The following CNNM4 variants were observed in gnomAD, a reference collection of about 807,000 sequenced individuals.
The protein encoded by CNNM4 is metal transporter CNNM4.
A neutral mutation model predicts 53.7 loss-of-function variants in CNNM4; 32 were observed. The ratio of observed to expected loss-of-function variants is 0.60; its 90% CI spans 0.45 to 0.80. The LOEUF is 0.80. Among genes scored for constraint, CNNM4 ranks in the 30% least tolerant of loss-of-function variants. The pLI is 0.00. For missense variants in CNNM4, 784 were observed against 1,022.0 expected (o/e 0.77, Z 3.17); for synonymous variants, 410 against 440.0 (o/e 0.93, Z 0.85).
chr2:96,772,687 A>AC (rs1241430472), intron 1 of CNNM4, among the ~76,000 whole-genome samples: 1 of 85,192 alleles, frequency 1.2e-5, no homozygotes, highest in Non-Finnish European at 2.2e-5. Context: ...ACACACTCAT[A>AC]CCCCCACATA....
Position 96,808,478 on chromosome 2 carries a change from C to A in CNNM4, c.1949-83C>A. 1.1e-5 allele frequency: 16 copies of A among 1,441,568 alleles called. No homozygotes were observed. Among genetic ancestry groups the A allele is most frequent in the African/African-American group, 1.4e-5 (1 of 71,560 alleles). The allele number at this position is 1,441,568 out of a possible 1,614,324, so 89.3% of individuals were successfully genotyped here. A position where few individuals can be genotyped will look rare whatever the true frequency, so the allele number is the denominator to read the frequency against. On this transcript the variant is annotated intron_variant, in intron 5 of 6. Transcript: ENST00000377075. The surrounding 1 kb of genome is among the most constrained non-coding windows in gnomAD (Gnocchi z 4.9). ...TGTTCCTGGGTGGGGTGTCCCTGGG[C>A]TTCCATGGGATGAGGTGAGACATGA...
At position 96,799,611 on chromosome 2, in the gene CNNM4, C is replaced by T; in HGVS notation, c.1911C>T (p.Ser637=). 1 of 1,553,952 alleles carries T rather than the reference C, an allele frequency of 6.4e-7. No homozygotes were observed. Among genetic ancestry groups the T allele is most frequent in the Non-Finnish European group, 8.7e-7 (1 of 1,148,156 alleles). Residue 637 remains serine (S), a synonymous_variant, in exon 5 of 7, where the codon TCC becomes TCT. Coordinates refer to ENST00000377075, the MANE Select transcript of CNNM4 (RefSeq NM_020184.4). ...ENMKFETGAF[S]YYGTMALTSV... is the part of the protein sequence containing the mutation. ...TGAAGTTTGAGACGGGCGCCTTCTC[C>T]TACTATGGGACTATGGCCCTGACCT... is the stretch of plus-strand genomic sequence containing the variant.
intron 1 of CNNM4, among the ~76,000 whole-genome samples, chr2:96,767,878 T>G (rs572616788): frequency 1.3e-5 from 2 of 152,338 alleles, no homozygotes; most frequent in South Asian, 4.1e-4. Context: ...GAGACCAGCC[T>G]GGCCAACATG....
intron 1 of CNNM4, among the ~76,000 whole-genome samples, chr2:96,770,528 A>C (rs1558981343): frequency 6.6e-6 from 1 of 152,142 alleles, no homozygotes; most frequent in African/African-American, 2.4e-5. Context: ...CTTGGACAAG[A>C]CCCGAAGGCT....
At chr2:96,771,036 C>G (rs1368895074) in intron 1 of CNNM4, among the ~76,000 whole-genome samples, 1 of 152,180 alleles carries the variant, frequency 6.6e-6, no homozygotes, top group African/African-American at 2.4e-5. Flanking sequence ...TCCAGAGGTA[C>G]CCGGCTGGCC....
intron 1 of CNNM4, among the ~76,000 whole-genome samples, chr2:96,769,922 G>A (rs2078854302): frequency 6.6e-6 from 1 of 152,240 alleles, no homozygotes; most frequent in African/African-American, 2.4e-5. Flanking sequence ...AATACTCCGG[G>A]TGCAGGCAGA....
intron 1 of CNNM4, among the ~76,000 whole-genome samples, chr2:96,772,733 A>G (rs2078889608): frequency 8.8e-6 from 1 of 113,608 alleles, no homozygotes; most frequent in African/African-American, 3.4e-5. Flanking sequence ...ATGCGTGCAC[A>G]CACACACACA....
intron 3 of CNNM4, 117 bp from the exon 4 acceptor site, chr2:96,798,940 G>T: frequency 9.7e-7 from 1 of 1,028,746 alleles, no homozygotes; most frequent in Non-Finnish European, 1.5e-6. Flanking sequence ...GCCGAGCAGG[G>T]CGGGAGTCGT....
rs1449695371 is a variant in CNNM4 at position 96,797,479 on chromosome 2, CTG to C, written c.1547-30_1547-29del. On this transcript the variant is annotated intron_variant, in intron 2 of 6. Transcript: ENST00000377075. This position sits in a 1 kb window ranked among gnomAD's most constrained non-coding sequence, Gnocchi z 6.0. Reference sequence around the variant, plus strand: ...AGTCTCTTCCTAAGTCCTCAGGGGTCTGTGTTCTCAATTCCACGCTCTTCTTC... The same window carrying C: ...AGTCTCTTCCTAAGTCCTCAGGGGTCTGTTCTCAATTCCACGCTCTTCTTC... 6.2e-7 allele frequency: 1 copy of C among 1,612,064 alleles called. No homozygotes were observed. Among genetic ancestry groups the C allele is most frequent in the African/African-American group, 1.3e-5 (1 of 74,942 alleles).
intron 5 of CNNM4, among the ~76,000 whole-genome samples, chr2:96,805,252 A>T (rs1029501822): frequency 2.0e-5 from 3 of 151,606 alleles, no homozygotes; most frequent in Non-Finnish European, 4.4e-5. Flanking sequence ...GAATACCACA[A>T]CCTCATCATA....
chr2:96,809,507 A>G lies in CNNM4; in HGVS notation c.2318A>G (p.Asn773Ser), dbSNP rs1225508474. 3 of 1,614,058 alleles carry G rather than the reference A, an allele frequency of 1.9e-6. No homozygotes were observed. Among genetic ancestry groups the G allele is most frequent in the Non-Finnish European group, 2.5e-6 (3 of 1,180,028 alleles). The change falls in exon 7 of 7, where the codon AAT becomes AGT. Residue 773 changes from asparagine (N) to serine (S), a missense_variant. Asn to Ser is a conservative substitution (Grantham distance 46). Around this residue, in one of 3 missense-constraint regions of CNNM4, gnomAD observed 307 missense variants for 376.3 expected, o/e 0.82. Transcript: ENST00000377075. ...NSLLHKASHENAI is the reference protein window; with the variant it reads ...NSLLHKASHESAI ...TTGCTGCACAAAGCCTCCCACGAGA[A>G]TGCCATCTGACAGGAGGGCCCGGGG...
intron 1 of CNNM4, among the ~76,000 whole-genome samples, chr2:96,773,899 AAAT>A (rs138945785): frequency 0.22 from 33,122 of 151,254 alleles, 4,810 homozygotes; most frequent in Non-Finnish European, 0.31. Context: ...ATAAATAAAT[AAAT>A]AAACTGAGCT....
At chr2:96,770,532 G>T (rs372679621) in intron 1 of CNNM4, among the ~76,000 whole-genome samples, 3 of 152,192 alleles carry the variant, frequency 2.0e-5, no homozygotes, top group Non-Finnish European at 4.4e-5. Flanking sequence ...GACAAGACCC[G>T]AAGGCTGAGA....
Position 96,801,124 on chromosome 2 carries a change from C to T in CNNM4, c.1948+1476C>T, listed in dbSNP as rs1574082395. ...CTGGCAAGCGGAACTCCCTGCTCTG[C>T]TGGCTCACAGGTAACGTGGCACAGC... On this transcript the variant is annotated intron_variant, in intron 5 of 6. Transcript: ENST00000377075. The surrounding 1 kb of genome is among the most constrained non-coding windows in gnomAD (Gnocchi z 5.6). 2 of 985,280 alleles carry T rather than the reference C, an allele frequency of 2.0e-6. No homozygotes were observed. The highest frequency in any genetic ancestry group is 2.3e-4 in the East Asian group (2 of 8,822). The allele number at this position is 985,280 out of a possible 1,614,324, so 61.0% of individuals were successfully genotyped here.
chr2:96,789,432 C>T (rs775720604), intron 1 of CNNM4, among the ~76,000 whole-genome samples: 4 of 152,116 alleles, frequency 2.6e-5, no homozygotes, highest in Non-Finnish European at 4.4e-5. Context: ...CCCAGCCCTC[C>T]GGGGTTTCTG....
intron 1 of CNNM4, among the ~76,000 whole-genome samples, chr2:96,769,611 G>T (rs1306469363): frequency 1.3e-5 from 2 of 151,938 alleles, no homozygotes; most frequent in African/African-American, 4.8e-5. Context: ...GACAGTGCAG[G>T]GGGTGTCAGT....
At position 96,797,718 on chromosome 2, in the gene CNNM4, G is replaced by T; in HGVS notation, c.1681+71G>T. On this transcript the variant is annotated intron_variant, in intron 3 of 6. Transcript: ENST00000377075. The surrounding 1 kb of genome is among the most constrained non-coding windows in gnomAD (Gnocchi z 6.0). ...GGGGAGAAGTCCTGGGTTTCCGGCT[G>T]CTTTCCCCCCATAGGACGAGGGCTG... The T allele has an allele frequency of 6.3e-7, 1 of 1,594,782 alleles. No homozygotes were observed. Among genetic ancestry groups the T allele is most frequent in the East Asian group, 2.2e-5 (1 of 44,564 alleles).
At chr2:96,802,482 T>C (rs546319359) in intron 5 of CNNM4, among the ~76,000 whole-genome samples, 1 of 152,380 alleles carries the variant, frequency 6.6e-6, no homozygotes, top group South Asian at 2.1e-4. Flanking sequence ...GTTCAGCTGC[T>C]GGCCCAGTAG....
chr2:96,797,115 G>A lies in CNNM4; in HGVS notation c.1506G>A (p.Glu502=), dbSNP rs1376403009. Residue 502 remains glutamate (E), a synonymous_variant, in exon 2 of 7, where the codon GAG becomes GAA. Transcript: ENST00000377075. The surrounding 1 kb of genome is among the most constrained non-coding windows in gnomAD (Gnocchi z 6.0). The part of the protein sequence containing the change: ...GLVTLEDVIE[E]IIKSEILDES... ...TCACCCTGGAGGACGTGATCGAGGAGATCATCAAGTCGGAGATCCTGGACG... is the reference window on the plus strand; with the variant it reads ...TCACCCTGGAGGACGTGATCGAGGAAATCATCAAGTCGGAGATCCTGGACG... 1 of 1,614,064 alleles carries A rather than the reference G, an allele frequency of 6.2e-7. No homozygotes were observed. The highest frequency in any genetic ancestry group is 1.3e-5 in the African/African-American group (1 of 74,930).
Sources: allele counts gnomAD v4.1 joint callset (sites outside exome capture counted in the v4.1 genomes callset), GRCh38; gene constraint gnomAD v4.1.1; regional missense constraint gnomAD v4.1.1; non-coding constraint Gnocchi (gnomAD v3.1); transcripts MANE v1.5; gene names NCBI Gene and HGNC (gene_info 2026-07-23, HGNC 2026-07-21).